Variants in SPTA1 observed in about 807,000 individuals in gnomAD.
SPTA1 encodes spectrin alpha chain, erythrocytic 1.
A neutral mutation model predicts 324.7 loss-of-function variants in SPTA1; 177 were observed. The ratio of observed to expected loss-of-function variants is 0.55; its 90% CI spans 0.48 to 0.62. The LOEUF (loss-of-function observed/expected upper bound fraction) is 0.62. SPTA1 is among the 20% of genes least tolerant of loss of function. The probability of loss-of-function intolerance (pLI) is 0.00; values close to 1 mark genes in which losing one functional copy is unlikely to be tolerated. For missense variants in SPTA1, 3,162 were observed against 2,883.6 expected, an observed-to-expected ratio of 1.10 and a Z score of -2.21; for synonymous variants, 1,195 against 1,041.3, an observed-to-expected ratio of 1.15 and a Z score of -2.84.
intron 49 of SPTA1, among the ~76,000 whole-genome samples, 189 bp from the exon 50 acceptor site, chr1:158,614,056 T>C (rs1649410188): frequency 6.6e-6 from 1 of 152,132 alleles, no homozygotes; most frequent in Non-Finnish European, 1.5e-5. Context: ...GAGAAAAGCA[T>C]AAAACATTGA....
At chr1:158,669,656 T>C (rs1427474758) in intron 13 of SPTA1, 53 bp downstream of exon 13, 3 of 1,613,800 alleles carry the variant, frequency 1.9e-6, no homozygotes, top group Non-Finnish European at 2.5e-6. Flanking sequence ...CCACCAAAAC[T>C]CTTCTTGATT....
At chr1:158,655,608 T>C (rs576145442) in intron 20 of SPTA1, among the ~76,000 whole-genome samples, 1 of 152,326 alleles carries the variant, frequency 6.6e-6, no homozygotes, top group East Asian at 1.9e-4. Context: ...TCTGTAAATA[T>C]ACACTGATTT....
Position 158,656,612 on chromosome 1 carries a change from T to C in SPTA1, c.2850A>G (p.Ser950=), listed in dbSNP as rs776550892. ...KHEAFLLDLN[S]FGDSMKALRN... ...GCAGAGCTTTCATACTGTCTCCAAA[T>C]GAATTGAGATCTAATAGAAAGGCCT... Residue 950 remains serine (S), a synonymous_variant, in exon 20 of 52, where the codon TCA becomes TCG. Transcript: ENST00000643759. 6.8e-6 allele frequency: 11 copies of C among 1,613,928 alleles called. No individual in the cohort carries two copies. In the East Asian group the frequency reaches 2.5e-4, roughly 36 times the overall value.
Position 158,647,646 on chromosome 1 carries a change from C to T in SPTA1, c.3789G>A (p.Gln1263=). The change falls in exon 27 of 52, where the codon CAG becomes CAA. Residue 1263 remains glutamine, a synonymous_variant. Transcript: ENST00000643759. Reference sequence around the variant, plus strand: ...CCCAGGCCTCATTCAGCTCCATTTTCTGTCTCTGCAGGTCCTCAGTGGCAT... The same window carrying T: ...CCCAGGCCTCATTCAGCTCCATTTTTTGTCTCTGCAGGTCCTCAGTGGCAT... The part of the protein sequence containing the change: ...HPDATEDLQR[Q]KMELNEAWED... The T allele has an allele frequency of 1.2e-6, 2 of 1,613,998 alleles. No individual in the cohort carries two copies. Among genetic ancestry groups the T allele is most frequent in the Non-Finnish European group, 1.7e-6 (2 of 1,179,946 alleles).
At chr1:158,674,742 T>A (rs1668815156) in intron 8 of SPTA1, 67 bp from the exon 9 acceptor site, 38 of 1,601,960 alleles carry the variant, frequency 2.4e-5, no homozygotes, top group Admixed American at 3.3e-5. Context: ...GAACAAAGAT[T>A]TAGGTTTGGG....
In SPTA1 at chr1:158,667,888, C is replaced by T. The variant is rs2101904323; in HGVS notation, c.2008G>A (p.Glu670Lys). The change falls in exon 15 of 52, where the codon GAG becomes AAG. Residue 670 changes from glutamate (E) to lysine (K), a missense_variant. By Grantham distance (56) the Glu-to-Lys change is moderately conservative. Coordinates refer to ENST00000643759, the MANE Select transcript of SPTA1 (RefSeq NM_003126.4). ...TRLSEVASLWEELLEATKQKG... is the reference protein window; with the variant it reads ...TRLSEVASLWKELLEATKQKG... ...TGTTTTGTAGCCTCCAGCAACTCCT[C>T]CCAGAGGCTGGCAACTTCACTCAGA... is the stretch of plus-strand genomic sequence containing the variant. The T allele has an allele frequency of 3.1e-6, 5 of 1,614,034 alleles. No individual in the cohort carries two copies. The highest frequency in any genetic ancestry group is 3.4e-6 in the Non-Finnish European group (4 of 1,179,998).
At chr1:158,680,823 C>T (rs1173972713) in intron 4 of SPTA1, 94 bp from the exon 5 acceptor site, 13 of 1,530,090 alleles carry the variant, frequency 8.5e-6, no homozygotes, top group African/African-American at 1.4e-5. Flanking sequence ...CCCAGGATAA[C>T]TCAAATGGAG....
chr1:158,634,534 G>T lies in SPTA1; in HGVS notation c.5565+9C>A. ...AGAAGAAAATTGATTCATTCTTCCT[G>T]TTCCTCACCTGAGTAGCAGCTAATG... On this transcript the variant is annotated intron_variant, in intron 39 of 51. Coordinates refer to ENST00000643759, the MANE Select transcript of SPTA1 (RefSeq NM_003126.4). 2 of 1,613,748 alleles carry T rather than the reference G, an allele frequency of 1.2e-6. No individual in the cohort carries two copies.
intron 47 of SPTA1, among the ~76,000 whole-genome samples, chr1:158,615,652 AC>A (rs1258132758): frequency 6.6e-6 from 1 of 151,898 alleles, no homozygotes; most frequent in Non-Finnish European, 1.5e-5. Context: ...TAGTAGTTAT[AC>A]ACACACACAC....
chr1:158,648,273 T>C (rs1045217324), intron 26 of SPTA1, among the ~76,000 whole-genome samples: 1 of 152,116 alleles, frequency 6.6e-6, no homozygotes, highest in African/African-American at 2.4e-5. Flanking sequence ...CAAGGGGATA[T>C]AGGGTGCTCA....
chr1:158,663,815 G>A (rs1482244809), intron 16 of SPTA1, among the ~76,000 whole-genome samples: 1 of 152,124 alleles, frequency 6.6e-6, no homozygotes, highest in Non-Finnish European at 1.5e-5. Flanking sequence ...GTATGCCTAT[G>A]TAACAAACCT....
At chr1:158,622,698 CTA>C (rs1484174561) in intron 43 of SPTA1, 2 of 381,410 alleles carry the variant, frequency 5.2e-6, no homozygotes, top group Non-Finnish European at 9.9e-6. Flanking sequence ...AGTTTTAATT[CTA>C]TCATACACAA....
chr1:158,671,488 C>A, intron 11 of SPTA1, 35 bp from the exon 12 acceptor site: 1 of 1,551,174 alleles, frequency 6.4e-7, no homozygotes, highest in Non-Finnish European at 8.9e-7. Flanking sequence ...TAAGCTGTGT[C>A]TGACCGGTAA....
At position 158,662,872 on chromosome 1, in the gene SPTA1, CTT is replaced by C. The variant is rs1653335713; in HGVS notation, c.2292_2293del (p.Ile764MetfsTer12). ...GCATACCAAGGACTCTTGCCTTGCCCTTATATCCTTAGAATCAGGATGGCCTA... is the reference window on the plus strand; with the variant it reads ...GCATACCAAGGACTCTTGCCTTGCCCATATCCTTAGAATCAGGATGGCCTA... On this transcript the variant is annotated frameshift_variant, in exon 17 of 52. Transcript: ENST00000643759. LOFTEE classifies it high-confidence loss of function. 1 of 1,613,990 alleles carries C rather than the reference CTT, an allele frequency of 6.2e-7. No homozygotes were observed. The highest frequency in any genetic ancestry group is 1.7e-5 in the Admixed American group (1 of 60,002).
intron 7 of SPTA1, 124 bp from the exon 8 acceptor site, chr1:158,676,419 G>A: frequency 9.8e-7 from 1 of 1,025,122 alleles, no homozygotes; most frequent in Non-Finnish European, 1.4e-6. Flanking sequence ...CATATGAATA[G>A]ATTTCTATTA....
chr1:158,670,313 T>A (rs146255575), intron 12 of SPTA1, among the ~76,000 whole-genome samples: 2 of 152,330 alleles, frequency 1.3e-5, no homozygotes, highest in Non-Finnish European at 2.9e-5. Context: ...CCCAAATTGC[T>A]AGAGCTCAGA....
chr1:158,663,613 T>C (rs952007704), intron 16 of SPTA1, among the ~76,000 whole-genome samples: 3 of 152,204 alleles, frequency 2.0e-5, no homozygotes, highest in African/African-American at 2.4e-5. Flanking sequence ...TTTTTATTAG[T>C]GAGGCAAACT....
Position 158,686,576 on chromosome 1 carries a change from A to AGAG in SPTA1, c.-60_-59insCTC, listed in dbSNP as rs60465109. The AGAG allele has an allele frequency of 2.3e-6, 3 of 1,331,652 alleles. No homozygotes were observed. The highest frequency in any genetic ancestry group is 3.2e-6 in the Non-Finnish European group (3 of 923,824). The allele number at this position is 1,331,652 out of a possible 1,614,324, so 82.5% of individuals were successfully genotyped here. On this transcript the variant is annotated 5_prime_UTR_variant, in exon 1 of 52. Transcript: ENST00000643759. ...ATGTGTCAGAGAGAGAGAGAGAGAG[A>AGAG]AATAATTCAAATGGAACTGTCCAGT...
intron 27 of SPTA1, among the ~76,000 whole-genome samples, chr1:158,646,201 C>G (rs143038430): frequency 6.6e-6 from 1 of 152,096 alleles, no homozygotes; most frequent in Non-Finnish European, 1.5e-5. Flanking sequence ...GTTAGACGAG[C>G]AAAACTAAGG....
Sources: allele counts gnomAD v4.1 joint callset (sites outside exome capture counted in the v4.1 genomes callset), GRCh38; gene constraint gnomAD v4.1.1; transcripts MANE v1.5; gene names NCBI Gene and HGNC (gene_info 2026-07-23, HGNC 2026-07-21).